Variants in NAA16 observed in about 807,000 individuals in gnomAD.
NAA16 encodes the protein N-alpha-acetyltransferase 16, NatA auxiliary subunit.
NAA16 carries 97 observed loss-of-function variants against 110.3 expected under a neutral mutation model. The observed-to-expected ratio is 0.88, with a 90% CI of 0.75 to 1.04. The LOEUF (loss-of-function observed/expected upper bound fraction) is 1.04. NAA16 is among the 50% of genes least tolerant of loss of function. The pLI is 0.00. For missense variants in NAA16, 1,017 were observed against 1,005.1 expected (o/e 1.01, Z -0.16); for synonymous variants, 372 against 330.6 (o/e 1.13, Z -1.36).
At position 41,373,282 on chromosome 13, in the gene NAA16, C is replaced by G; in HGVS notation, c.2156-355C>G. ...GTGTTTTTTGTTTTTTTTTTTGAGA[C>G]AGTCTTGCTCTGTTGTCTAGGCTGG... On this transcript the variant is annotated intron_variant, in intron 17 of 19. Transcript: ENST00000379406. 3 of 677,494 alleles carry G rather than the reference C, an allele frequency of 4.4e-6. No homozygotes were observed. The South Asian group carries it at 2.0e-4, about 46-fold the overall frequency. The allele number at this position is 677,494 out of a possible 1,614,324, so 42.0% of individuals were successfully genotyped here. A position where few individuals can be genotyped will look rare whatever the true frequency, so the allele number is the denominator to read the frequency against.
In NAA16 at chr13:41,376,475, TC is replaced by T. The variant is rs1188086243; in HGVS notation, c.*874del. 1.3e-5 allele frequency: 2 copies of T among 152,342 alleles called. No homozygotes were observed. Among genetic ancestry groups the T allele is most frequent in the East Asian group, 3.9e-4 (2 of 5,192 alleles). 9.4% of individuals were successfully genotyped at this position (152,342 alleles called of 1,614,324 possible). On this transcript the variant is annotated 3_prime_UTR_variant, in exon 20 of 20. Transcript: ENST00000379406. ...CAGAATGTGAAGGCTGGTTTGCCTG[TC>T]AGTCATGGAAATTCACTGGTAAAAT... is the stretch of plus-strand genomic sequence containing the variant.
At chr13:41,320,882 G>A in intron 4 of NAA16, 58 bp downstream of exon 4, 1 of 1,473,496 alleles carries the variant, frequency 6.8e-7, no homozygotes, top group Non-Finnish European at 9.1e-7. Flanking sequence ...TTAAGAGCGT[G>A]TCATTTCAGA....
chr13:41,325,696 A>C lies in NAA16; in HGVS notation c.538-2A>C. On this transcript the variant is annotated splice_acceptor_variant, in intron 5 of 19. Coordinates refer to ENST00000379406, the MANE Select transcript of NAA16 (RefSeq NM_024561.5). LOFTEE classifies it high-confidence loss of function. ...TAAAGTAATTTGGTCATTTTTTTTC[A>C]GGTTCCTCCAAACAAAATAGATTAT... 3 of 1,549,074 alleles carry C rather than the reference A, an allele frequency of 1.9e-6. No individual in the cohort carries two copies. The highest frequency in any genetic ancestry group is 2.6e-6 in the Non-Finnish European group (3 of 1,142,996).
At chr13:41,373,165 T>A in intron 17 of NAA16, 10 of 928,870 alleles carry the variant, frequency 1.1e-5, no homozygotes, top group Non-Finnish European at 1.3e-5. Flanking sequence ...ATTAGTGCAT[T>A]TTTAGGCTAG....
chr13:41,316,893 G>C lies in NAA16; in HGVS notation c.102G>C (p.Lys34Asn), dbSNP rs745717196. The change falls in exon 2 of 20, where the codon AAG (lysine) becomes AAC (asparagine). Residue 34 changes from lysine to asparagine, a missense_variant. Physicochemically the swap from Lys to Asn is moderately conservative, Grantham distance 94. Coordinates refer to ENST00000379406, the MANE Select transcript of NAA16 (RefSeq NM_024561.5). ...KQYKNGLKFC[K>N]MILSNPKFAE... ...ACAAAAATGGCCTCAAGTTTTGCAA[G>C]ATGATTCTGTCGAACCCAAAATTTG... 6.2e-7 allele frequency: 1 copy of C among 1,613,848 alleles called. No individual in the cohort carries two copies. Among genetic ancestry groups the C allele is most frequent in the South Asian group, 1.1e-5 (1 of 91,082 alleles).
At chr13:41,350,300 T>G (rs1452819774) in intron 9 of NAA16, among the ~76,000 whole-genome samples, 1 of 149,630 alleles carries the variant, frequency 6.7e-6, no homozygotes, top group Non-Finnish European at 1.5e-5. Context: ...CAGTTTTGTT[T>G]TTTTTTTTTT....
chr13:41,375,584 C>T lies in NAA16; in HGVS notation c.2577C>T (p.Val859=), dbSNP rs1593541341. The T allele has an allele frequency of 6.2e-7, 1 of 1,612,108 alleles. No individual in the cohort carries two copies. The highest frequency in any genetic ancestry group is 1.7e-5 in the Admixed American group (1 of 59,896). Reference sequence around the variant, plus strand: ...TGAACCATACAGCTAATTATGATGTCTTGGCAAATGAAATTTGAAATCTTC... The same window carrying T: ...TGAACCATACAGCTAATTATGATGTTTTGGCAAATGAAATTTGAAATCTTC... The part of the protein sequence containing the change: ...VALNHTANYD[V]LANEI The change falls in exon 20 of 20, where the codon GTC becomes GTT. Residue 859 remains valine, a synonymous_variant. Coordinates refer to ENST00000379406, the MANE Select transcript of NAA16 (RefSeq NM_024561.5).
intron 9 of NAA16, among the ~76,000 whole-genome samples, chr13:41,354,898 T>TTTC (rs1180526406): frequency 6.0e-5 from 9 of 149,092 alleles, no homozygotes; most frequent in African/African-American, 2.2e-4. Context: ...TTTTTTTTTT[T>TTTC]TTTTTTTGTC....
intron 3 of NAA16, among the ~76,000 whole-genome samples, chr13:41,320,331 A>G (rs2041915002): frequency 6.6e-6 from 1 of 152,206 alleles, no homozygotes; most frequent in Non-Finnish European, 1.5e-5. Flanking sequence ...AAGTGATGGG[A>G]TAGAGGGTAG....
At chr13:41,321,910 C>T (rs1224028958) in intron 4 of NAA16, among the ~76,000 whole-genome samples, 1 of 152,152 alleles carries the variant, frequency 6.6e-6, no homozygotes, top group African/African-American at 2.4e-5. Flanking sequence ...ACTTTAAGGG[C>T]TCTGCTGAAC....
At position 41,318,851 on chromosome 13, in the gene NAA16, AAG is replaced by A; in HGVS notation, c.187_188del (p.Glu63ArgfsTer4). 1.2e-6 allele frequency: 2 copies of A among 1,604,688 alleles called. No homozygotes were observed. Among genetic ancestry groups the A allele is most frequent in the Non-Finnish European group, 1.7e-6 (2 of 1,175,916 alleles). ...TTAACACTGAACTGTTTAGGAAAAA[AAG>A]AAGAAGCTTATGAGTTTGTTCGTAA... On this transcript the variant is annotated frameshift_variant, in exon 3 of 20. Transcript: ENST00000379406. LOFTEE classifies it high-confidence loss of function.
intron 10 of NAA16, among the ~76,000 whole-genome samples, chr13:41,355,686 C>T (rs530249177): frequency 6.6e-6 from 1 of 152,274 alleles, no homozygotes; most frequent in African/African-American, 2.4e-5. Flanking sequence ...CCTCAGCCTC[C>T]CAAAGTGCTG....
intron 6 of NAA16, 22 bp downstream of exon 6, chr13:41,325,873 T>C (rs755484277): frequency 2.5e-6 from 4 of 1,583,544 alleles, no homozygotes; most frequent in Non-Finnish European, 3.4e-6. Flanking sequence ...TGCCTTTTTT[T>C]AATAGCCTCA....
At chr13:41,325,585 TG>T (rs2042071685) in intron 5 of NAA16, 112 bp from the exon 6 acceptor site, 1 of 546,978 alleles carries the variant, frequency 1.8e-6, no homozygotes, top group East Asian at 3.4e-5. Flanking sequence ...TATCTGCTTG[TG>T]GGTTGCTTTC....
chr13:41,373,594 G>A, intron 17 of NAA16, 43 bp from the exon 18 acceptor site: 1 of 1,525,022 alleles, frequency 6.6e-7, no homozygotes. Flanking sequence ...TTTTTCAAAG[G>A]ACAGATCAAA....
At position 41,363,005 on chromosome 13, in the gene NAA16, A is replaced by G. The variant is rs925852839; in HGVS notation, c.1539+846A>G. The G allele has an allele frequency of 1.2e-5, 7 of 590,090 alleles. No individual in the cohort carries two copies. In the South Asian group the frequency reaches 2.3e-4, roughly 20 times the overall value. The allele number at this position is 590,090 out of a possible 1,614,324, so 36.6% of individuals were successfully genotyped here. On this transcript the variant is annotated intron_variant, in intron 13 of 19. Coordinates refer to ENST00000379406, the MANE Select transcript of NAA16 (RefSeq NM_024561.5). ...GGGACTGGAACTAGAATTATACCCAAGCATTTTTAGAAATAACCTAATTTT... is the reference window on the plus strand; with the variant it reads ...GGGACTGGAACTAGAATTATACCCAGGCATTTTTAGAAATAACCTAATTTT...
rs1428875109 is a variant in NAA16 at position 41,367,582 on chromosome 13, G to A, written c.1683G>A (p.Ala561=). Residue 561 remains alanine, a synonymous_variant, in exon 14 of 20, where the codon GCG becomes GCA. Transcript: ENST00000379406. ...HAFYFKAARS[A]IEIYLKLYDN... ...TTTATTTCAAGGCTGCTAGATCAGC[G>A]ATTGAAATATACTTGAAATTGTATG... is the stretch of plus-strand genomic sequence containing the variant. 1.9e-6 allele frequency: 3 copies of A among 1,613,010 alleles called. No individual in the cohort carries two copies. The highest frequency in any genetic ancestry group is 1.7e-5 in the Admixed American group (1 of 59,894).
intron 6 of NAA16, 80 bp downstream of exon 6, chr13:41,325,931 G>A (rs185149879): frequency 1.3e-4 from 147 of 1,147,020 alleles, no homozygotes; most frequent in South Asian, 2.5e-4. Flanking sequence ...TAAGTCTTAC[G>A]TAACAGTTGT....
chr13:41,320,888 T>C (rs1265125840), intron 4 of NAA16, 64 bp downstream of exon 4: 1 of 1,452,208 alleles, frequency 6.9e-7, no homozygotes, highest in Non-Finnish European at 9.2e-7. Flanking sequence ...GCGTGTCATT[T>C]CAGAATGAGG....
Sources: allele counts gnomAD v4.1 joint callset (sites outside exome capture counted in the v4.1 genomes callset), GRCh38; gene constraint gnomAD v4.1.1; transcripts MANE v1.5; gene names NCBI Gene and HGNC (gene_info 2026-07-23, HGNC 2026-07-21).